KLF8: variants seen among roughly 807,000 people sequenced by gnomAD.
KLF8 encodes KLF transcription factor 8.
In KLF8, 10 loss-of-function variants were observed where a neutral mutation model predicts 18.2. That is an observed-to-expected ratio of 0.55 (90% CI 0.34 to 0.93). The LOEUF is 0.93. Ranked by LOEUF, KLF8 falls within the 40% of genes least tolerant of loss-of-function variation. The pLI is 0.02. For missense variants in KLF8, 264 were observed against 277.9 expected (o/e 0.95, Z 0.36); for synonymous variants, 109 against 97.3 (o/e 1.12, Z -0.71).
the KLF8 span, chrX:55,961,553 A>T: frequency 3.7e-6 from 2 of 535,451 alleles, no homozygotes; most frequent in African/African-American, 4.5e-5. Flanking sequence ...CTGGGTGAGA[A>T]TAGTGAAGTG....
At chrX:56,180,406 C>G in the KLF8 span, among the ~76,000 whole-genome samples, 1 of 110,908 alleles carries the variant, frequency 9.0e-6, no homozygotes, top group African/African-American at 3.3e-5. Flanking sequence ...TGATCTTTTC[C>G]AAAAACCCTC....
At chrX:55,935,789 T>C in the KLF8 span, among the ~76,000 whole-genome samples, 1 of 111,633 alleles carries the variant, frequency 9.0e-6, no homozygotes. Context: ...GGGAATAAAA[T>C]CACCAAATAT....
chrX:56,252,842 A>G (rs1009579687), intron 2 of KLF8, among the ~76,000 whole-genome samples: 2 of 112,148 alleles, frequency 1.8e-5, no homozygotes, highest in Non-Finnish European at 3.8e-5. Context: ...TCCCACCAAC[A>G]GTGCACAAGT....
the KLF8 span, among the ~76,000 whole-genome samples, chrX:56,163,553 C>T: frequency 9.0e-6 from 1 of 111,669 alleles, no homozygotes; most frequent in Admixed American, 9.6e-5. Context: ...TCTGTTTACA[C>T]CCTTGATAGT....
chrX:56,129,564 A>T, the KLF8 span, among the ~76,000 whole-genome samples: 4 of 111,559 alleles, frequency 3.6e-5, no homozygotes, highest in African/African-American at 1.3e-4. Flanking sequence ...CTTGTCTCAC[A>T]GGAGTCCTGT....
At chrX:56,090,503 T>C in the KLF8 span, among the ~76,000 whole-genome samples, 40 of 112,338 alleles carry the variant, frequency 3.6e-4, no homozygotes, top group African/African-American at 1.2e-3. Flanking sequence ...CTAGGTAATA[T>C]ATCCATTCTT....
chrX:56,138,046 CAA>C, the KLF8 span, among the ~76,000 whole-genome samples: 7 of 56,649 alleles, frequency 1.2e-4, no homozygotes, highest in East Asian at 6.7e-4. Flanking sequence ...CACAGAAATA[CAA>C]AAAAAAAAAA....
the KLF8 span, among the ~76,000 whole-genome samples, chrX:55,939,748 C>A: frequency 8.9e-6 from 1 of 111,813 alleles, no homozygotes; most frequent in African/African-American, 3.3e-5. Flanking sequence ...CTATAAACAC[C>A]TCCACGCAAA....
At chrX:56,236,639 A>T (rs781115047) in intron 1 of KLF8, among the ~76,000 whole-genome samples, 31 of 111,247 alleles carry the variant, frequency 2.8e-4, no homozygotes, top group Non-Finnish European at 4.1e-4. Context: ...AAAATTTAAA[A>T]ACTTTCAACT....
At chrX:56,178,326 G>A in the KLF8 span, among the ~76,000 whole-genome samples, 57 of 112,076 alleles carry the variant, frequency 5.1e-4, no homozygotes, top group South Asian at 0.019. Context: ...CTTTTTGATG[G>A]GGTTGTTTGA....
At chrX:56,139,995 A>C in the KLF8 span, among the ~76,000 whole-genome samples, 90 of 112,367 alleles carry the variant, frequency 8.0e-4, no homozygotes, top group Middle Eastern at 9.2e-3. Context: ...AAAAGAAGAC[A>C]TATATGCAGC....
intron 3 of KLF8, 42 bp from the exon 4 acceptor site, chrX:56,269,336 C>T (rs766832503): frequency 8.6e-7 from 1 of 1,158,185 alleles, no homozygotes; most frequent in Non-Finnish European, 1.2e-6. Context: ...TAAAGAGGCA[C>T]ATACATCTTC....
chrX:56,119,748 G>T, the KLF8 span, among the ~76,000 whole-genome samples: 4 of 108,612 alleles, frequency 3.7e-5, no homozygotes, highest in Non-Finnish European at 7.6e-5. Context: ...TTGTTTTGTT[G>T]TTGTTTTAAC....
At chrX:56,209,492 G>A in the KLF8 span, among the ~76,000 whole-genome samples, 1 of 111,018 alleles carries the variant, frequency 9.0e-6, no homozygotes, top group South Asian at 3.9e-4. Flanking sequence ...AGCCAGTCAT[G>A]GTGGTGAGTG....
At chrX:56,258,852 C>A (rs959334064) in intron 2 of KLF8, among the ~76,000 whole-genome samples, 2 of 111,698 alleles carry the variant, frequency 1.8e-5, no homozygotes, top group South Asian at 7.6e-4. Flanking sequence ...AGTTTGTGTT[C>A]TATAACTACG....
At chrX:56,254,972 C>T (rs1004552642) in intron 2 of KLF8, among the ~76,000 whole-genome samples, 36 of 112,031 alleles carry the variant, frequency 3.2e-4, no homozygotes, top group South Asian at 3.7e-4. Context: ...GGGACCTGCC[C>T]ACTTCTGCCT....
the KLF8 span, chrX:55,961,615 T>C: frequency 2.2e-6 from 1 of 446,335 alleles, no homozygotes. Flanking sequence ...AACTGCGACC[T>C]TAACGATCAG....
At position 56,290,773 on chromosome X, in the gene KLF8, G is replaced by A. The variant is rs2067314773; in HGVS notation, c.*6279G>A. 9.0e-6 allele frequency among the ~76,000 whole-genome samples: 1 copy of A among 111,343 alleles called. No homozygotes were observed. The highest frequency in any genetic ancestry group is 1.9e-5 in the Non-Finnish European group (1 of 53,020). The stretch of plus-strand genomic sequence containing the variant: ...GGAGGGAAGTTGGGTAGGGTGGTTG[G>A]GGGTGGGAGTGGGTTGGAAGAGGAT... On this transcript the variant is annotated 3_prime_UTR_variant, in exon 6 of 6. Transcript: ENST00000468660.
chrX:55,924,789 T>C, the KLF8 span, among the ~76,000 whole-genome samples: 2 of 108,776 alleles, frequency 1.8e-5, no homozygotes, highest in Non-Finnish European at 3.8e-5. Flanking sequence ...TCTCTCCTAT[T>C]ATTATGTGGA....
Sources: allele counts gnomAD v4.1 joint callset (sites outside exome capture counted in the v4.1 genomes callset), GRCh38; gene constraint gnomAD v4.1.1; transcripts MANE v1.5; gene names NCBI Gene and HGNC (gene_info 2026-07-23, HGNC 2026-07-21).